TRPM1: variants seen among roughly 807,000 people sequenced by gnomAD.
TRPM1 encodes the protein TRPM1-203 APA Isoform, Intron 10.
A neutral mutation model predicts 149.4 loss-of-function variants in TRPM1; 113 were observed. The observed-to-expected ratio is 0.76, with a 90% confidence interval of 0.65 to 0.88. TRPM1 has a LOEUF of 0.88. Among genes scored for constraint, TRPM1 ranks in the 40% least tolerant of loss-of-function variants. TRPM1 has a pLI of 0.00. For synonymous variants in TRPM1, 741 were observed against 759.5 expected, an observed-to-expected ratio of 0.98 and a Z score of 0.40; for missense variants, 1,976 against 2,038.7, an observed-to-expected ratio of 0.97 and a Z score of 0.59.
At chr15:31,005,565 C>T (rs1595971192) in intron 27 of TRPM1, among the ~76,000 whole-genome samples, 1 of 152,170 alleles carries the variant, frequency 6.6e-6, no homozygotes, top group East Asian at 1.9e-4. Context: ...GTGGAAGAAA[C>T]AATGCTTAAT....
At chr15:31,079,312 G>C (rs1457885323) in intron 2 of TRPM1, among the ~76,000 whole-genome samples, 1 of 152,176 alleles carries the variant, frequency 6.6e-6, no homozygotes, top group African/African-American at 2.4e-5. Context: ...GCTTAGCTGG[G>C]TGCTTCTGAC....
intron 16 of TRPM1, among the ~76,000 whole-genome samples, chr15:31,043,286 C>A (rs911369866): frequency 3.9e-5 from 6 of 152,174 alleles, no homozygotes; most frequent in African/African-American, 1.4e-4. Flanking sequence ...CTCTGCCTCC[C>A]GGGTTCATGC....
intron 1 of TRPM1, among the ~76,000 whole-genome samples, chr15:31,132,548 G>T (rs918122759): frequency 6.6e-6 from 1 of 152,226 alleles, no homozygotes; most frequent in African/African-American, 2.4e-5. Flanking sequence ...TTCAGAGGAC[G>T]TGAGGGCATG....
intron 1 of TRPM1, among the ~76,000 whole-genome samples, chr15:31,109,292 C>T (rs1346793161): frequency 3.1e-5 from 4 of 127,262 alleles, no homozygotes; most frequent in Admixed American, 9.0e-5. Flanking sequence ...CGAGATCACG[C>T]CACTGCACTC....
At chr15:31,125,018 A>G (rs1285772496) in intron 1 of TRPM1, among the ~76,000 whole-genome samples, 1 of 152,054 alleles carries the variant, frequency 6.6e-6, no homozygotes, top group Middle Eastern at 3.2e-3. Flanking sequence ...TTTCAAAAAT[A>G]CAAAAAATTT....
At position 31,028,465 on chromosome 15, in the gene TRPM1, C is replaced by A. The variant is rs1215406406; in HGVS notation, c.3160G>T (p.Glu1054Ter). ...TTGCCCTCCTCATCATATAGGTTCT[C>A]ACCACAAGGAGCTGAAAGAAAAAAA... ...YAMEINPPCG[E>*]NLYDEEGKRL... is the part of the protein sequence containing the mutation. The change falls in exon 25 of 28, where the codon GAG becomes TAG. Residue 1054 changes from glutamate (E) to a stop codon, truncating the protein, a stop_gained. Coordinates refer to ENST00000256552, the MANE Select transcript of TRPM1 (RefSeq NM_001252024.2). LOFTEE classifies it high-confidence loss of function. The A allele has an allele frequency of 1.2e-6, 2 of 1,614,056 alleles. No individual in the cohort carries two copies. Among genetic ancestry groups the A allele is most frequent in the Non-Finnish European group, 1.7e-6 (2 of 1,180,042 alleles).
upstream of TRPM1, among the ~76,000 whole-genome samples, chr15:31,102,528 A>C (rs1480928834): frequency 1.3e-5 from 2 of 152,178 alleles, no homozygotes; most frequent in Non-Finnish European, 2.9e-5. Flanking sequence ...CCCATTTTAC[A>C]GATGAGGACT....
intron 7 of TRPM1, chr15:31,064,983 G>A (rs2034329140): frequency 4.0e-6 from 2 of 494,274 alleles, no homozygotes; most frequent in Non-Finnish European, 8.4e-6. Context: ...TTCTTTTCGA[G>A]CAACAGAGTA....
At chr15:31,010,656 C>A (rs1056085832) in intron 27 of TRPM1, among the ~76,000 whole-genome samples, 1 of 152,130 alleles carries the variant, frequency 6.6e-6, no homozygotes, top group Admixed American at 6.6e-5. Flanking sequence ...TAACTTAAAT[C>A]TTTTTAAAAC....
At chr15:31,127,918 G>T (rs1373772733) in intron 1 of TRPM1, among the ~76,000 whole-genome samples, 1 of 152,200 alleles carries the variant, frequency 6.6e-6, no homozygotes, top group South Asian at 2.1e-4. Context: ...CCTGTAGCTC[G>T]TGGGGTCTGT....
In TRPM1 at chr15:31,049,527, C is replaced by G. The variant is rs374493963; in HGVS notation, c.1438-18G>C. The G allele has an allele frequency of 4.5e-5, 73 of 1,613,020 alleles. No individual in the cohort carries two copies. The highest frequency in any genetic ancestry group is 1.2e-4 in the Admixed American group (7 of 59,998). ...GCATTCACCTGCAGGGACCAAGGGCCGGGAGCCTGTGAGTGGCCTCTCAGA... is the reference window on the plus strand; with the variant it reads ...GCATTCACCTGCAGGGACCAAGGGCGGGGAGCCTGTGAGTGGCCTCTCAGA... On this transcript the variant is annotated intron_variant, in intron 12 of 27. Transcript: ENST00000256552.
intron 1 of TRPM1, 64 bp from the exon 2 acceptor site, chr15:31,081,502 A>ATTTGTTCATCTTGCT: frequency 9.2e-7 from 1 of 1,086,926 alleles, no homozygotes; most frequent in Non-Finnish European, 1.3e-6. Flanking sequence ...GGGAAGCAAG[A>ATTTGTTCATCTTGCT]TGAACAAATC....
intron 27 of TRPM1, among the ~76,000 whole-genome samples, chr15:31,005,404 T>A (rs1304696045): frequency 6.6e-6 from 1 of 152,150 alleles, no homozygotes; most frequent in Non-Finnish European, 1.5e-5. Flanking sequence ...AAAACAAACC[T>A]CAAAGTCATT....
At chr15:31,090,061 C>CA (rs2035189343) in intron 1 of TRPM1, among the ~76,000 whole-genome samples, 1 of 152,110 alleles carries the variant, frequency 6.6e-6, no homozygotes, top group African/African-American at 2.4e-5. Context: ...AATATTGAAA[C>CA]AAAAAAGTGA....
chr15:31,126,040 G>C (rs1377212883), intron 1 of TRPM1, among the ~76,000 whole-genome samples: 2 of 151,898 alleles, frequency 1.3e-5, no homozygotes, highest in African/African-American at 4.8e-5. Context: ...GCTGAGGCAG[G>C]AGAATCACTT....
chr15:31,149,713 G>T (rs544285043), intron 1 of TRPM1, among the ~76,000 whole-genome samples: 9 of 152,156 alleles, frequency 5.9e-5, no homozygotes, highest in African/African-American at 1.7e-4. Flanking sequence ...TAGAGACGGG[G>T]TTTCACCGTG....
chr15:31,088,855 C>G (rs1043645132), intron 1 of TRPM1, among the ~76,000 whole-genome samples: 2 of 111,540 alleles, frequency 1.8e-5, no homozygotes, highest in Admixed American at 1.0e-4. Context: ...ATAAGCCCTG[C>G]TGCGGGTATT....
At chr15:31,038,508 T>A (rs1037304407) in intron 18 of TRPM1, among the ~76,000 whole-genome samples, 1 of 151,808 alleles carries the variant, frequency 6.6e-6, no homozygotes, top group African/African-American at 2.4e-5. Flanking sequence ...AGGCCAGGAG[T>A]TTGAGACCAG....
chr15:31,157,855 A>C (rs2036397359), intron 1 of TRPM1, among the ~76,000 whole-genome samples: 1 of 151,986 alleles, frequency 6.6e-6, no homozygotes, highest in African/African-American at 2.4e-5. Flanking sequence ...ACCCTGGAAG[A>C]CTCGTACATA....
Sources: allele counts gnomAD v4.1 joint callset (sites outside exome capture counted in the v4.1 genomes callset), GRCh38; gene constraint gnomAD v4.1.1; transcripts MANE v1.5; gene names NCBI Gene and HGNC (gene_info 2026-07-23, HGNC 2026-07-21).